The following CCDC150 variants were observed in gnomAD, a reference collection of about 807,000 sequenced individuals.
CCDC150 encodes coiled-coil domain containing 150.
Under a neutral mutation model 156.5 loss-of-function variants are expected in CCDC150, and 151 were observed. The observed-to-expected ratio is 0.97, with a 90% confidence interval of 0.85 to 1.10. The LOEUF (loss-of-function observed/expected upper bound fraction) is 1.10, where lower values mean the gene tolerates loss of function less well. CCDC150 is among the 50% of genes least tolerant of loss of function. CCDC150 has a pLI of 0.00. For synonymous variants in CCDC150, 452 were observed against 429.4 expected, an observed-to-expected ratio of 1.05 and a Z score of -0.65; for missense variants, 1,312 against 1,268.1, an observed-to-expected ratio of 1.03 and a Z score of -0.53.
intron 27 of CCDC150, 120 bp downstream of exon 27, chr2:196,732,272 T>G: frequency 7.9e-7 from 1 of 1,265,118 alleles, no homozygotes; most frequent in Non-Finnish European, 1.1e-6. Flanking sequence ...TTCTTTAGAC[T>G]AATGCTAGGA....
At chr2:196,713,024 G>GTGTATATATTTA in intron 17 of CCDC150, 1 of 466,466 alleles carries the variant, frequency 2.1e-6, no homozygotes. Flanking sequence ...CTATACCCCT[G>GTGTATATATTTA]GTAACCAAGG....
At chr2:196,682,498 AAAAG>A (rs1044174735) in intron 13 of CCDC150, among the ~76,000 whole-genome samples, 1 of 152,068 alleles carries the variant, frequency 6.6e-6, no homozygotes, top group Non-Finnish European at 1.5e-5. Context: ...ATTTCTGTAA[AAAAG>A]AACAGCTGGA....
chr2:196,645,156 C>T (rs1419444750), intron 1 of CCDC150, among the ~76,000 whole-genome samples: 1 of 152,044 alleles, frequency 6.6e-6, no homozygotes, highest in African/African-American at 2.4e-5. Flanking sequence ...TTTCTGGAAC[C>T]TGTGGGAAGA....
intron 10 of CCDC150, 103 bp from the exon 11 acceptor site, chr2:196,676,040 G>GT: frequency 4.6e-6 from 5 of 1,084,894 alleles, no homozygotes; most frequent in Middle Eastern, 2.1e-4. Flanking sequence ...AATGAAACTT[G>GT]TTTTTTTAAG....
intron 21 of CCDC150, among the ~76,000 whole-genome samples, chr2:196,725,567 A>G (rs1389669033): frequency 1.3e-5 from 2 of 152,356 alleles, no homozygotes; most frequent in Non-Finnish European, 1.5e-5. Context: ...TCATCTTACT[A>G]GAGCGGAGAT....
rs1249226793 is a variant in CCDC150, at chr2:196,719,760, C to A, written c.2165+94C>A. 8 of 816,096 alleles carry A rather than the reference C, an allele frequency of 9.8e-6. No homozygotes were observed. The South Asian group carries it at 1.3e-4, about 13-fold the overall frequency. 50.6% of individuals were successfully genotyped at this position (816,096 alleles called of 1,614,324 possible). A position where few individuals can be genotyped will look rare whatever the true frequency, so the allele number is the denominator to read the frequency against. On this transcript the variant is annotated intron_variant, in intron 19 of 27. Coordinates refer to ENST00000389175, the MANE Select transcript of CCDC150 (RefSeq NM_001080539.2). ...AAATGAAGTCACTTTATGTAGCTTC[C>A]TTTACAAAAAAAAAAATTGCAAAAT...
chr2:196,710,651 T>C (rs1697047802), intron 15 of CCDC150, among the ~76,000 whole-genome samples: 1 of 152,206 alleles, frequency 6.6e-6, no homozygotes, highest in Non-Finnish European at 1.5e-5. Flanking sequence ...TAGCCTAAAA[T>C]CAGTATATTT....
chr2:196,652,438 T>C (rs953494433), intron 2 of CCDC150, among the ~76,000 whole-genome samples: 2 of 152,228 alleles, frequency 1.3e-5, no homozygotes, highest in Non-Finnish European at 2.9e-5. Flanking sequence ...TCCCACACTT[T>C]AAAGCTCCAA....
At chr2:196,696,925 TCAAC>T (rs1695862950) in intron 14 of CCDC150, among the ~76,000 whole-genome samples, 1 of 152,248 alleles carries the variant, frequency 6.6e-6, no homozygotes, top group East Asian at 1.9e-4. Context: ...AGACCTGGTT[TCAAC>T]CTCCATTTAC....
rs371481786 is a variant in CCDC150 at position 196,726,144 on chromosome 2, G to C, written c.2556+45G>C. ...TTCTCTTTTGGTGAATGCCTCTTAG[G>C]ATAAGCAGCTCAAGGATTTCAGAGA... On this transcript the variant is annotated intron_variant, in intron 22 of 27. Coordinates refer to ENST00000389175, the MANE Select transcript of CCDC150 (RefSeq NM_001080539.2). 5 of 1,603,620 alleles carry C rather than the reference G, an allele frequency of 3.1e-6. No homozygotes were observed. The Admixed American group carries it at 5.1e-5, about 16-fold the overall frequency.
At position 196,650,129 on chromosome 2, in the gene CCDC150, A is replaced by G. The variant is rs1357863763; in HGVS notation, c.176+3625A>G. On this transcript the variant is annotated intron_variant, in intron 2 of 27. Coordinates refer to ENST00000389175, the MANE Select transcript of CCDC150 (RefSeq NM_001080539.2). ...TGAGCATGATGTTAGCTGTAGGCTT[A>G]TCATATATGGCGTTTATTATGTTGA... 2.0e-5 allele frequency among the ~76,000 whole-genome samples: 3 copies of G among 152,224 alleles called. No individual in the cohort carries two copies. In the East Asian group the frequency reaches 5.8e-4, roughly 29 times the overall value.
intron 5 of CCDC150, among the ~76,000 whole-genome samples, chr2:196,664,616 G>T (rs916495298): frequency 6.6e-6 from 1 of 152,088 alleles, no homozygotes; most frequent in Non-Finnish European, 1.5e-5. Flanking sequence ...CATTACATAG[G>T]CATGATTGAT....
chr2:196,719,364 A>T, intron 18 of CCDC150, 133 bp from the exon 19 acceptor site: 1 of 606,120 alleles, frequency 1.6e-6, no homozygotes, highest in Non-Finnish European at 2.6e-6. Context: ...AATATACTTT[A>T]ATTATTCCCA....
intron 20 of CCDC150, among the ~76,000 whole-genome samples, chr2:196,720,949 T>C (rs1275191423): frequency 6.6e-6 from 1 of 152,144 alleles, no homozygotes; most frequent in Non-Finnish European, 1.5e-5. Flanking sequence ...ATGTCAGAAG[T>C]TAATAGGCTT....
rs982148064 is a variant in CCDC150 at position 196,646,239 on chromosome 2, G to A, written c.13-102G>A. ...AAGCAGAACACATCACCATTCCTGA[G>A]TTCAACAGGACAGTGATGCCTAATC... On this transcript the variant is annotated intron_variant, in intron 1 of 27. Coordinates refer to ENST00000389175, the MANE Select transcript of CCDC150 (RefSeq NM_001080539.2). The A allele has an allele frequency of 2.8e-6, 3 of 1,079,006 alleles. No individual in the cohort carries two copies. The African/African-American group carries it at 4.7e-5, about 17-fold the overall frequency. 66.8% of individuals were successfully genotyped at this position (1,079,006 alleles called of 1,614,324 possible). A position where few individuals can be genotyped will look rare whatever the true frequency, so the allele number is the denominator to read the frequency against.
At chr2:196,718,332 G>T (rs548282159) in intron 17 of CCDC150, 171 bp from the exon 18 acceptor site, 5 of 433,846 alleles carry the variant, frequency 1.2e-5, no homozygotes, top group African/African-American at 6.0e-5. Flanking sequence ...TATTCACACA[G>T]ATATTTTTGT....
intron 13 of CCDC150, among the ~76,000 whole-genome samples, chr2:196,689,654 A>G (rs1344323867): frequency 5.6e-4 from 85 of 151,700 alleles, no homozygotes; most frequent in Middle Eastern, 3.4e-3. Context: ...GGCTGAGACA[A>G]CGGGGTTTTC....
At chr2:196,671,792 T>C (rs11894460) in intron 8 of CCDC150, among the ~76,000 whole-genome samples, 17,367 of 152,236 alleles carry the variant, frequency 0.11, 1,101 homozygotes, top group Middle Eastern at 0.19. Context: ...AAGTTATCCA[T>C]TAACTTACTC....
At chr2:196,712,821 C>A in intron 17 of CCDC150, 82 bp downstream of exon 17, 2 of 1,030,634 alleles carry the variant, frequency 1.9e-6, no homozygotes, top group Non-Finnish European at 2.9e-6. Flanking sequence ...AATATTTTAA[C>A]GAATGAATAG....
Sources: allele counts gnomAD v4.1 joint callset (sites outside exome capture counted in the v4.1 genomes callset), GRCh38; gene constraint gnomAD v4.1.1; transcripts MANE v1.5; gene names NCBI Gene and HGNC (gene_info 2026-07-23, HGNC 2026-07-21).